Variants in SELENOW observed in about 807,000 individuals in gnomAD.
The protein encoded by SELENOW is selenoprotein W.
Under a neutral mutation model 16.6 loss-of-function variants are expected in SELENOW, and 20 were observed. The ratio of observed to expected loss-of-function variants is 1.21; its 90% CI spans 0.85 to 1.76. SELENOW has a LOEUF of 1.76. Among genes scored for constraint, SELENOW ranks in the 40% most tolerant of loss-of-function variants. The probability of loss-of-function intolerance (pLI) is 0.00; values close to 1 mark genes in which losing one functional copy is unlikely to be tolerated. For synonymous variants in SELENOW, 44 were observed against 46.2 expected, an observed-to-expected ratio of 0.95 and a Z score of 0.19; for missense variants, 124 against 111.0, an observed-to-expected ratio of 1.12 and a Z score of -0.53.
chr19:47,779,808 CAAA>C, intron 1 of SELENOW: 3 of 162,298 alleles, frequency 1.8e-5, no homozygotes, highest in South Asian at 2.5e-4. Context: ...GACTCTGTCT[CAAA>C]AAAAAAAAGT....
chr19:47,779,221 T>G, intron 1 of SELENOW: 1 of 187,562 alleles, frequency 5.3e-6, no homozygotes, highest in Non-Finnish European at 1.1e-5. Context: ...GGTTCGAGAA[T>G]GTCTCAGCCT....
At chr19:47,783,012 T>C (rs1218541238) in intron 5 of SELENOW, 1 of 152,172 alleles carries the variant, frequency 6.6e-6, no homozygotes, top group Non-Finnish European at 1.5e-5. Context: ...CTAGCCCTTT[T>C]TCTGGTCTCT....
chr19:47,783,845 A>G (rs1174127529), intron 5 of SELENOW: 5 of 152,154 alleles, frequency 3.3e-5, no homozygotes, highest in South Asian at 2.1e-4. Context: ...AGCTGAATGC[A>G]TTGTGGACTG....
At chr19:47,779,636 T>C (rs1599935115) in intron 1 of SELENOW, 1 of 137,396 alleles carries the variant, frequency 7.3e-6, no homozygotes, top group Non-Finnish European at 1.6e-5. Flanking sequence ...GACCCCCCCC[T>C]CGTCTCTACA....
chr19:47,780,121 T>C (rs751407795), intron 1 of SELENOW: 8 of 455,486 alleles, frequency 1.8e-5, no homozygotes, highest in South Asian at 1.2e-4. Flanking sequence ...ATCTAGGAGC[T>C]GCGGGGCCGG....
intron 1 of SELENOW, 73 bp from the exon 2 acceptor site, chr19:47,780,652 C>T (rs910273801): frequency 1.5e-6 from 2 of 1,357,162 alleles, no homozygotes; most frequent in Non-Finnish European, 2.1e-6. Context: ...CCGCCTGTGT[C>T]TACCCTCCTC....
chr19:47,779,088 G>T (rs1967442079), intron 1 of SELENOW: 2 of 497,940 alleles, frequency 4.0e-6, no homozygotes, highest in Admixed American at 3.8e-5. Flanking sequence ...CCGACTCCGG[G>T]GCTCCGCTGG....
Position 47,781,127 on chromosome 19 carries a change from A to G in SELENOW, c.128A>G (p.Gln43Arg), listed in dbSNP as rs1444017572. Residue 43 changes from glutamine (Q) to arginine (R), a missense_variant, in exon 4 of 6, where the codon CAG (glutamine) becomes CGG (arginine). Physicochemically the swap from Gln to Arg is conservative, Grantham distance 43 (BLOSUM62 1). Coordinates refer to ENST00000601048, the MANE Select transcript of SELENOW (RefSeq NM_003009.4). ...RLDICGEGTPQATGFFEVMVA... is the reference protein window; with the variant it reads ...RLDICGEGTPRATGFFEVMVA... ...CCTCAGTGCGGCGAGGGAACTCCCC[A>G]GGCCACCGGGTTCTTTGAAGTGATG... is the stretch of plus-strand genomic sequence containing the variant. 1 of 1,613,680 alleles carries G rather than the reference A, an allele frequency of 6.2e-7. No homozygotes were observed. The highest frequency in any genetic ancestry group is 1.3e-5 in the African/African-American group (1 of 74,972).
At position 47,781,094 on chromosome 19, in the gene SELENOW, C is replaced by T; in HGVS notation, c.109-14C>T. The T allele has an allele frequency of 6.2e-7, 1 of 1,611,644 alleles. No individual in the cohort carries two copies. Among genetic ancestry groups the T allele is most frequent in the Non-Finnish European group, 8.5e-7 (1 of 1,177,846 alleles). On this transcript the variant is annotated splice_polypyrimidine_tract_variant and intron_variant, in intron 3 of 5. Coordinates refer to ENST00000601048, the MANE Select transcript of SELENOW (RefSeq NM_003009.4). ...CTTAGCCCCTCCAACATCTCCCCTA[C>T]CCCCTTTCCTCAGTGCGGCGAGGGA...
chr19:47,780,298 G>A (rs1468477004), intron 1 of SELENOW: 5 of 366,826 alleles, frequency 1.4e-5, no homozygotes, highest in African/African-American at 6.4e-5. Context: ...GGAGTGCTGC[G>A]AGGGCTGTGG....
At chr19:47,781,628 A>T in intron 5 of SELENOW, 1 of 560,248 alleles carries the variant, frequency 1.8e-6, no homozygotes, top group South Asian at 2.0e-5. Context: ...GACAGCTGAG[A>T]TGGGGTCAAA....
At chr19:47,783,808 G>A (rs1967502498) in intron 5 of SELENOW, 1 of 152,136 alleles carries the variant, frequency 6.6e-6, no homozygotes, top group African/African-American at 2.4e-5. Context: ...AAAGAAAAAT[G>A]GAATTGCCTA....
chr19:47,780,996 G>T (rs745385179), intron 3 of SELENOW, 79 bp downstream of exon 3: 11 of 1,565,134 alleles, frequency 7.0e-6, no homozygotes, highest in Middle Eastern at 3.3e-4. Flanking sequence ...CTGCAGGGGG[G>T]TTAGGTCAGC....
rs1047219 is a variant in SELENOW at position 47,784,600 on chromosome 19, G to A, written c.*329G>A. ...GGCATCCTTCTCAAGGGGAAGCCAA[G>A]AGAGGCATCAGGATGGGTGGGTTTC... is the stretch of plus-strand genomic sequence containing the variant. On this transcript the variant is annotated 3_prime_UTR_variant, in exon 6 of 6. Transcript: ENST00000601048. 1 of 152,260 alleles carries A rather than the reference G, an allele frequency of 6.6e-6. No individual in the cohort carries two copies. Among genetic ancestry groups the A allele is most frequent in the African/African-American group, 2.4e-5 (1 of 41,462 alleles). 9.4% of individuals were successfully genotyped at this position (152,260 alleles called of 1,614,324 possible).
chr19:47,780,725 T>A lies in SELENOW; in HGVS notation c.30T>A (p.Cys10Ter). 6.4e-7 allele frequency: 1 copy of A among 1,560,468 alleles called. No homozygotes were observed. The highest frequency in any genetic ancestry group is 8.7e-7 in the Non-Finnish European group (1 of 1,151,664). The change falls in exon 2 of 6, where the codon TGT becomes TGA. Residue 10 changes from cysteine (C) to a stop codon, truncating the protein, a stop_gained and splice_region_variant. Coordinates refer to ENST00000601048, the MANE Select transcript of SELENOW (RefSeq NM_003009.4). LOFTEE classifies it high-confidence loss of function. ...CCAATGTCTTGGACTCTCCTACCAG[T>A]GGCGCTTGAGGCTACAAGTCCAAGG... The part of the protein sequence containing the change: MALAVRVVY[C>*]GAUGYKSKYL...
chr19:47,780,820 C>G (rs1029890643), intron 2 of SELENOW, 44 bp from the exon 3 acceptor site: 2 of 1,606,116 alleles, frequency 1.2e-6, no homozygotes, highest in Non-Finnish European at 1.7e-6. Flanking sequence ...TGGGAGGGGG[C>G]TGACTGGTAT....
At chr19:47,780,038 C>G in intron 1 of SELENOW, 1 of 419,090 alleles carries the variant, frequency 2.4e-6, no homozygotes, top group Non-Finnish European at 4.9e-6. Context: ...CACCAGATTC[C>G]AGTCCCGAAA....
chr19:47,783,291 C>G (rs1036421893), intron 5 of SELENOW: 3 of 152,018 alleles, frequency 2.0e-5, no homozygotes, highest in African/African-American at 7.3e-5. Context: ...AGCTCCGCCT[C>G]CCGGGTTCAC....
intron 5 of SELENOW, 31 bp downstream of exon 5, chr19:47,781,419 C>A: frequency 1.7e-6 from 2 of 1,196,258 alleles, no homozygotes; most frequent in South Asian, 2.6e-5. Context: ...GGGACACCAC[C>A]CTTTGGATCT....
Sources: allele counts gnomAD v4.1 joint callset, GRCh38; gene constraint gnomAD v4.1.1; transcripts MANE v1.5; gene names NCBI Gene and HGNC (gene_info 2026-07-23, HGNC 2026-07-21).